DDR2: variants seen among roughly 807,000 people sequenced by gnomAD.
DDR2 encodes discoidin domain-containing receptor 2.
A neutral mutation model predicts 94.9 loss-of-function variants in DDR2; 27 were observed. That is an observed-to-expected ratio of 0.28 (90% CI 0.21 to 0.39). The LOEUF (loss-of-function observed/expected upper bound fraction) is 0.39, where lower values mean the gene tolerates loss of function less well. Among genes scored for constraint, DDR2 ranks in the 10% least tolerant of loss-of-function variants. The pLI, the probability that DDR2 is intolerant of heterozygous loss-of-function variation, is 1.00. For missense variants in DDR2, 783 were observed against 1,076.0 expected (o/e 0.73, Z 3.81); for synonymous variants, 382 against 377.2 (o/e 1.01, Z -0.15).
At position 162,780,005 on chromosome 1, in the gene DDR2, G is replaced by C. The variant is rs530182769; in HGVS notation, c.2434-107G>C. The C allele has an allele frequency of 1.4e-4, 215 of 1,530,650 alleles. 1 individual carries two copies. The highest frequency in any genetic ancestry group is 5.2e-4 in the Middle Eastern group (3 of 5,784). The allele number at this position is 1,530,650 out of a possible 1,614,324, so 94.8% of individuals were successfully genotyped here. A position where few individuals can be genotyped will look rare whatever the true frequency, so the allele number is the denominator to read the frequency against. On this transcript the variant is annotated intron_variant, in intron 17 of 17. Transcript: ENST00000367921. ...TTCAGTTATCAAGTTCAAGAAAGTG[G>C]GCAGGGGGCAAATCAAACCATGATG...
At chr1:162,642,655 C>T (rs1657199025) in intron 1 of DDR2, among the ~76,000 whole-genome samples, 2 of 152,076 alleles carry the variant, frequency 1.3e-5, no homozygotes, top group South Asian at 4.1e-4. Context: ...AATACTACCC[C>T]AGATTTGGTT....
intron 9 of DDR2, among the ~76,000 whole-genome samples, chr1:162,762,484 TAA>T (rs370933192): frequency 9.8e-5 from 15 of 152,352 alleles, no homozygotes; most frequent in African/African-American, 2.9e-4. Flanking sequence ...ACTTTTTCCC[TAA>T]GTTTTATCCT....
chr1:162,770,689 C>T (rs1439957722), intron 12 of DDR2, 177 bp downstream of exon 12: 1 of 736,688 alleles, frequency 1.4e-6, no homozygotes, highest in Admixed American at 2.0e-5. Context: ...ATTTGAGCAA[C>T]TCTCCTTTGC....
intron 3 of DDR2, among the ~76,000 whole-genome samples, chr1:162,735,791 T>C (rs1351099612): frequency 1.3e-5 from 2 of 152,244 alleles, no homozygotes; most frequent in African/African-American, 4.8e-5. Context: ...TAAAAGCAGC[T>C]GCAGCAGCAG....
intron 3 of DDR2, among the ~76,000 whole-genome samples, chr1:162,749,118 A>G: frequency 6.6e-6 from 1 of 152,180 alleles, no homozygotes; most frequent in Non-Finnish European, 1.5e-5. Context: ...GAGCAAACAC[A>G]TTCAAAAGCT....
intron 1 of DDR2, among the ~76,000 whole-genome samples, chr1:162,638,143 C>T (rs1656930544): frequency 6.6e-6 from 1 of 152,154 alleles, no homozygotes; most frequent in Non-Finnish European, 1.5e-5. Context: ...GCCTCAGCCT[C>T]CTGAGTAGCT....
At chr1:162,687,935 T>G (rs541519293) in intron 2 of DDR2, among the ~76,000 whole-genome samples, 1 of 152,294 alleles carries the variant, frequency 6.6e-6, no homozygotes, top group South Asian at 2.1e-4. Flanking sequence ...ACCATGTAGG[T>G]GAGCATCTGC....
At chr1:162,643,616 G>C (rs572015134) in intron 1 of DDR2, among the ~76,000 whole-genome samples, 2 of 152,092 alleles carry the variant, frequency 1.3e-5, no homozygotes, top group African/African-American at 4.8e-5. Flanking sequence ...GAGTAGCTGG[G>C]ATTACAGGCA....
intron 3 of DDR2, among the ~76,000 whole-genome samples, chr1:162,746,796 C>CATTTGCTGTTTTGCAAT (rs1052075957): frequency 2.6e-5 from 4 of 152,322 alleles, no homozygotes; most frequent in African/African-American, 4.8e-5. Context: ...CAGGCAGCAA[C>CATTTGCTGTTTTGCAAT]ATTTGCTGTT....
At chr1:162,734,178 C>A (rs900477416) in intron 3 of DDR2, among the ~76,000 whole-genome samples, 1 of 152,096 alleles carries the variant, frequency 6.6e-6, no homozygotes, top group African/African-American at 2.4e-5. Flanking sequence ...TCAATACATG[C>A]AGGTAAAGAT....
At chr1:162,746,147 G>T (rs530185953) in intron 3 of DDR2, among the ~76,000 whole-genome samples, 14 of 152,328 alleles carry the variant, frequency 9.2e-5, no homozygotes, top group African/African-American at 3.4e-4. Context: ...AGCCCACAGA[G>T]TGTGAGCTGA....
chr1:162,684,395 G>A (rs1193860281), intron 2 of DDR2, among the ~76,000 whole-genome samples: 1 of 152,060 alleles, frequency 6.6e-6, no homozygotes, highest in Non-Finnish European at 1.5e-5. Flanking sequence ...AACACCATGA[G>A]GCCCTGACTC....
chr1:162,770,774 G>A, intron 12 of DDR2: 1 of 530,796 alleles, frequency 1.9e-6, no homozygotes, highest in South Asian at 1.9e-5. Flanking sequence ...TGTGAATTAG[G>A]TGTTGACACC....
intron 2 of DDR2, among the ~76,000 whole-genome samples, chr1:162,701,895 A>G (rs1660447987): frequency 6.6e-6 from 1 of 152,148 alleles, no homozygotes. Flanking sequence ...ATTAAGTCCC[A>G]GTGTAGTTTT....
chr1:162,736,383 G>C lies in DDR2; in HGVS notation c.83-16712G>C, dbSNP rs550364848. On this transcript the variant is annotated intron_variant, in intron 3 of 17. Transcript: ENST00000367921. Reference sequence around the variant, plus strand: ...CACATGGTATAAGTGGTAGAACCGGGAGTGGATGCGAAGTCTTGATTTTCA... The same window carrying C: ...CACATGGTATAAGTGGTAGAACCGGCAGTGGATGCGAAGTCTTGATTTTCA... 7.2e-5 allele frequency among the ~76,000 whole-genome samples: 11 copies of C among 152,350 alleles called. No homozygotes were observed. In the East Asian group the frequency reaches 1.7e-3, roughly 24 times the overall value.
chr1:162,786,712 C>T lies in DDR2; in HGVS notation c.*6466C>T, dbSNP rs1648164926. On this transcript the variant is annotated 3_prime_UTR_variant, in exon 18 of 18. Transcript: ENST00000367921. ...GTGGTATGGACACCTGTTTGTGGGG[C>T]TTTCCAGCAAAGGATTATTTAAATA... is the stretch of plus-strand genomic sequence containing the variant. The T allele has an allele frequency of 6.6e-6, 1 of 152,176 alleles. No homozygotes were observed. The highest frequency in any genetic ancestry group is 6.5e-5 in the Admixed American group (1 of 15,274). 9.4% of individuals were successfully genotyped at this position (152,176 alleles called of 1,614,324 possible).
chr1:162,720,008 T>C (rs893331386), intron 3 of DDR2, among the ~76,000 whole-genome samples: 1 of 152,152 alleles, frequency 6.6e-6, no homozygotes, highest in Non-Finnish European at 1.5e-5. Flanking sequence ...TCAAACATTT[T>C]TCAAGCCACT....
chr1:162,730,680 T>G (rs193236847), intron 3 of DDR2, among the ~76,000 whole-genome samples: 1 of 152,294 alleles, frequency 6.6e-6, no homozygotes, highest in African/African-American at 2.4e-5. Flanking sequence ...GCCTGAATTC[T>G]TGGTCTTCCA....
chr1:162,683,458 C>A (rs1462421575), intron 2 of DDR2, among the ~76,000 whole-genome samples: 1 of 152,094 alleles, frequency 6.6e-6, no homozygotes, highest in Admixed American at 6.6e-5. Context: ...CTAATAAATT[C>A]TCCTAGAACT....
Sources: gnomAD v4.1 joint callset for allele counts (sites outside exome capture counted in the v4.1 genomes callset) on GRCh38, gnomAD v4.1.1 for gene constraint, MANE v1.5 for transcripts, NCBI Gene and HGNC (gene_info 2026-07-23, HGNC 2026-07-21) for gene names.